Variants in USP47 observed in about 807,000 individuals in gnomAD.
The protein encoded by USP47 is ubiquitin specific peptidase 47.
Under a neutral mutation model 165.1 loss-of-function variants are expected in USP47, and 35 were observed. The observed-to-expected ratio is 0.21, with a 90% CI of 0.16 to 0.28. The LOEUF (loss-of-function observed/expected upper bound fraction) is 0.28, where lower values mean the gene tolerates loss of function less well. Among genes scored for constraint, USP47 ranks in the 10% least tolerant of loss-of-function variants. The probability of loss-of-function intolerance (pLI) is 1.00; values close to 1 mark genes in which losing one functional copy is unlikely to be tolerated. For missense variants in USP47, 1,277 were observed against 1,607.4 expected (o/e 0.79, Z 3.52); for synonymous variants, 531 against 544.5 (o/e 0.98, Z 0.35).
rs766719187 is a variant in USP47 at position 11,956,185 on chromosome 11, T to C, written c.*10T>C. 3.7e-6 allele frequency: 6 copies of C among 1,612,746 alleles called. No individual in the cohort carries two copies. The highest frequency in any genetic ancestry group is 2.2e-5 in the South Asian group (2 of 90,728). On this transcript the variant is annotated 3_prime_UTR_variant, in exon 28 of 28. Transcript: ENST00000527733. ...TCTGACTCAAGACTGACTCTGATAG[T>C]GTAGCATTTTCCCTGGGGGAGTTTT...
At position 11,851,578 on chromosome 11, in the gene USP47, G is replaced by A. The variant is rs537281106; in HGVS notation, c.39+9354G>A. ...TTAACATCTTATATAACCATAGAAC[G>A]ATGATCAGAAGAAATTAACCTTAGT... On this transcript the variant is annotated intron_variant, in intron 1 of 27. Coordinates refer to ENST00000527733, the MANE Select transcript of USP47 (RefSeq NM_001282659.2). Among the ~76,000 whole-genome samples the A allele has an allele frequency of 3.9e-5, 6 of 152,182 alleles. No homozygotes were observed. The East Asian group carries it at 9.6e-4, about 24-fold the overall frequency.
intron 8 of USP47, among the ~76,000 whole-genome samples, chr11:11,911,538 T>C (rs1349774083): frequency 6.6e-6 from 1 of 151,878 alleles, no homozygotes; most frequent in African/African-American, 2.4e-5. Flanking sequence ...GTAATAAAAG[T>C]GTCAAACAAC....
intron 5 of USP47, among the ~76,000 whole-genome samples, chr11:11,898,970 G>T (rs140685202): frequency 6.6e-6 from 1 of 152,104 alleles, no homozygotes; most frequent in East Asian, 1.9e-4. Flanking sequence ...ATTATTGTCC[G>T]CATTTTACAA....
chr11:11,916,281 CAAAT>C (rs1223386566), intron 8 of USP47, among the ~76,000 whole-genome samples: 1 of 151,888 alleles, frequency 6.6e-6, no homozygotes, highest in Non-Finnish European at 1.5e-5. Context: ...GATCCTGTCT[CAAAT>C]AAGTAAATAA....
intron 8 of USP47, among the ~76,000 whole-genome samples, chr11:11,919,619 A>T (rs373277747): frequency 6.6e-5 from 10 of 151,872 alleles, no homozygotes; most frequent in Non-Finnish European, 1.0e-4. Context: ...CACACACAGA[A>T]GGTTGCACAG....
chr11:11,918,577 CATA>C (rs758615816), intron 8 of USP47, among the ~76,000 whole-genome samples: 5 of 151,992 alleles, frequency 3.3e-5, no homozygotes, highest in Admixed American at 6.6e-5. Context: ...AACAAAGATA[CATA>C]ATAATGTTGG....
At chr11:11,851,226 C>T (rs1001594741) in intron 1 of USP47, among the ~76,000 whole-genome samples, 4 of 152,066 alleles carry the variant, frequency 2.6e-5, no homozygotes, top group African/African-American at 9.7e-5. Context: ...TAACCTAATT[C>T]CCCAGTTTTC....
At position 11,928,472 on chromosome 11, in the gene USP47, TGAAAGTTATA is replaced by T. The variant is rs536099202; in HGVS notation, c.1387-958_1387-949del. 2.3e-3 allele frequency among the ~76,000 whole-genome samples: 350 copies of T among 152,164 alleles called. 1 individual carries two copies. Among genetic ancestry groups the T allele is most frequent in the Non-Finnish European group, 3.3e-3 (225 of 67,900 alleles). On this transcript the variant is annotated intron_variant, in intron 11 of 27. Coordinates refer to ENST00000527733, the MANE Select transcript of USP47 (RefSeq NM_001282659.2). ...TATTTTAAGATAAATTAGAATTTCT[TGAAAGTTATA>T]GAAGGCTCTACAATGCTTTTTAGGA...
intron 1 of USP47, among the ~76,000 whole-genome samples, chr11:11,857,179 A>G (rs954568948): frequency 8.5e-5 from 13 of 152,214 alleles, no homozygotes; most frequent in African/African-American, 3.1e-4. Context: ...AAGATGCAGC[A>G]TGTTGCTTTA....
At chr11:11,871,317 C>T (rs1169232369) in intron 1 of USP47, among the ~76,000 whole-genome samples, 1 of 151,728 alleles carries the variant, frequency 6.6e-6, no homozygotes, top group Non-Finnish European at 1.5e-5. Flanking sequence ...TCCTGGCCAA[C>T]ATGGTGAAAC....
intron 15 of USP47, among the ~76,000 whole-genome samples, chr11:11,933,618 C>A (rs1002024212): frequency 6.6e-6 from 1 of 151,954 alleles, no homozygotes; most frequent in South Asian, 2.1e-4. Context: ...TATAAGGAAA[C>A]ATGCAGTTGT....
intron 4 of USP47, among the ~76,000 whole-genome samples, chr11:11,896,956 G>A (rs1229581660): frequency 6.6e-6 from 1 of 151,942 alleles, no homozygotes; most frequent in Non-Finnish European, 1.5e-5. Context: ...AGTACAGATG[G>A]TGTGGATACA....
chr11:11,956,295 T>G lies in USP47; in HGVS notation c.*120T>G. Reference sequence around the variant, plus strand: ...GGTAACCCAGTGACACCAGCACTGATTGGACTGCCCTACACCAATCAGAAG... The same window carrying G: ...GGTAACCCAGTGACACCAGCACTGAGTGGACTGCCCTACACCAATCAGAAG... On this transcript the variant is annotated 3_prime_UTR_variant, in exon 28 of 28. Transcript: ENST00000527733. The G allele has an allele frequency of 9.5e-7, 1 of 1,055,016 alleles. No individual in the cohort carries two copies. The highest frequency in any genetic ancestry group is 1.4e-6 in the Non-Finnish European group (1 of 715,336). The allele number at this position is 1,055,016 out of a possible 1,614,324, so 65.4% of individuals were successfully genotyped here.
chr11:11,868,321 G>A (rs542257983), intron 1 of USP47, among the ~76,000 whole-genome samples: 4 of 152,232 alleles, frequency 2.6e-5, no homozygotes, highest in African/African-American at 4.8e-5. Flanking sequence ...AATCCCTGGC[G>A]ATCACTAATC....
In USP47 at chr11:11,950,007, A is replaced by G. The variant is rs1590459641; in HGVS notation, c.3464+3A>G. The G allele has an allele frequency of 2.5e-6, 4 of 1,592,690 alleles. No individual in the cohort carries two copies. The East Asian group carries it at 6.7e-5, about 27-fold the overall frequency. ...GGTTTAGAGCTCAGTATTGACAGGT[A>G]AAGTAAAATTAATGTCATCAGCGAT... On this transcript the variant is annotated splice_donor_region_variant and intron_variant, in intron 23 of 27. Transcript: ENST00000527733.
At chr11:11,949,098 C>G (rs1380165623) in intron 22 of USP47, 1 of 152,518 alleles carries the variant, frequency 6.6e-6, no homozygotes, top group Non-Finnish European at 1.5e-5. Flanking sequence ...ATTTCTTATT[C>G]TCATTCTATA....
intron 25 of USP47, among the ~76,000 whole-genome samples, chr11:11,954,074 AC>A (rs1222839324): frequency 2.0e-5 from 3 of 151,978 alleles, no homozygotes; most frequent in African/African-American, 7.3e-5. Flanking sequence ...ACATGGTGAA[AC>A]CCTGTGTCTA....
intron 15 of USP47, among the ~76,000 whole-genome samples, chr11:11,933,561 C>A (rs10765910): frequency 0.22 from 32,799 of 151,864 alleles, 4,282 homozygotes; most frequent in Non-Finnish European, 0.29. Context: ...GGAAACAACA[C>A]AAATGTATAT....
chr11:11,842,921 G>C (rs1848221766), intron 1 of USP47, among the ~76,000 whole-genome samples: 1 of 149,054 alleles, frequency 6.7e-6, no homozygotes, highest in Non-Finnish European at 1.5e-5. Context: ...CAAGTGATAC[G>C]AGAAGCCTTG....
Sources: allele counts gnomAD v4.1 joint callset (sites outside exome capture counted in the v4.1 genomes callset), GRCh38; gene constraint gnomAD v4.1.1; transcripts MANE v1.5; gene names NCBI Gene and HGNC (gene_info 2026-07-23, HGNC 2026-07-21).